Variants in HHAT observed in about 807,000 individuals in gnomAD.
HHAT encodes the protein protein-cysteine N-palmitoyltransferase HHAT.
In HHAT, 47 loss-of-function variants were observed where a neutral mutation model predicts 70.8. The observed-to-expected ratio is 0.66, with a 90% CI of 0.53 to 0.85. The LOEUF is 0.85. Among genes scored for constraint, HHAT ranks in the 40% least tolerant of loss-of-function variants. The pLI, the probability that HHAT is intolerant of heterozygous loss-of-function variation, is 0.00. For synonymous variants in HHAT, 228 were observed against 247.6 expected, an observed-to-expected ratio of 0.92 and a Z score of 0.74; for missense variants, 609 against 604.8, an observed-to-expected ratio of 1.01 and a Z score of -0.07.
At chr1:210,329,399 C>T (rs1273951268) in intron 1 of HHAT, 2 of 1,137,534 alleles carry the variant, frequency 1.8e-6, no homozygotes, top group Non-Finnish European at 2.2e-6. Flanking sequence ...GCTTCCGGAA[C>T]TGCTGCGGGG....
intron 10 of HHAT, among the ~76,000 whole-genome samples, chr1:210,594,565 C>G (rs1662508724): frequency 1.3e-5 from 2 of 152,070 alleles, no homozygotes; most frequent in South Asian, 4.1e-4. Context: ...TCTTTCTACT[C>G]AATATATGAG....
intron 8 of HHAT, among the ~76,000 whole-genome samples, chr1:210,506,573 T>C (rs187154479): frequency 6.6e-6 from 1 of 152,336 alleles, no homozygotes; most frequent in African/African-American, 2.4e-5. Context: ...ACCCTGGTTT[T>C]CTGTGGGCTG....
chr1:210,628,498 G>A (rs896331730), intron 11 of HHAT, among the ~76,000 whole-genome samples: 56 of 152,008 alleles, frequency 3.7e-4, no homozygotes, highest in African/African-American at 1.2e-3. Context: ...ACATGCACAC[G>A]TACACACATG....
intron 4 of HHAT, among the ~76,000 whole-genome samples, chr1:210,389,075 T>G (rs1421766292): frequency 6.6e-6 from 1 of 152,170 alleles, no homozygotes; most frequent in East Asian, 1.9e-4. Flanking sequence ...TTGTTGCTTA[T>G]AAGAGAATAC....
At chr1:210,502,327 T>A (rs1387228010) in intron 8 of HHAT, among the ~76,000 whole-genome samples, 1 of 133,728 alleles carries the variant, frequency 7.5e-6, no homozygotes, top group East Asian at 2.1e-4. Flanking sequence ...GAGCTTGCAG[T>A]GAGGTGAGAT....
chr1:210,652,725 G>T (rs1362946002), intron 11 of HHAT, among the ~76,000 whole-genome samples: 2 of 152,176 alleles, frequency 1.3e-5, no homozygotes, highest in Non-Finnish European at 2.9e-5. Flanking sequence ...GGTACAGAGA[G>T]TTCTCAGAAA....
chr1:210,531,300 G>T (rs2095312393), intron 9 of HHAT, among the ~76,000 whole-genome samples: 2 of 152,226 alleles, frequency 1.3e-5, no homozygotes, highest in South Asian at 2.1e-4. Context: ...GGTAATTAAA[G>T]TGTGAGTGTG....
chr1:210,327,588 C>T (rs1172821159), upstream of HHAT, among the ~76,000 whole-genome samples: 1 of 152,106 alleles, frequency 6.6e-6, no homozygotes, highest in Non-Finnish European at 1.5e-5. Context: ...TCACTGCAAC[C>T]TCTGCCGCCC....
At chr1:210,436,928 C>T (rs908750492) in intron 7 of HHAT, among the ~76,000 whole-genome samples, 4 of 151,772 alleles carry the variant, frequency 2.6e-5, no homozygotes, top group African/African-American at 7.3e-5. Flanking sequence ...TTGTTTCATC[C>T]CCTGGTGGAA....
At chr1:210,437,157 C>T (rs951728453) in intron 7 of HHAT, among the ~76,000 whole-genome samples, 2 of 151,838 alleles carry the variant, frequency 1.3e-5, no homozygotes, top group African/African-American at 4.9e-5. Context: ...GGGATAGAAT[C>T]TCAACATCAC....
intron 9 of HHAT, among the ~76,000 whole-genome samples, chr1:210,525,186 C>G (rs183187286): frequency 6.6e-6 from 1 of 152,160 alleles, no homozygotes; most frequent in Admixed American, 6.5e-5. Flanking sequence ...AGCACCCTTG[C>G]GTTGATGCCC....
At chr1:210,502,532 C>G (rs769101519) in intron 8 of HHAT, among the ~76,000 whole-genome samples, 1 of 152,030 alleles carries the variant, frequency 6.6e-6, no homozygotes, top group Non-Finnish European at 1.5e-5. Context: ...AAAATCAGGT[C>G]CCTTATTGGC....
At chr1:210,599,551 T>C (rs927738465) in intron 10 of HHAT, among the ~76,000 whole-genome samples, 1 of 152,166 alleles carries the variant, frequency 6.6e-6, no homozygotes, top group Non-Finnish European at 1.5e-5. Flanking sequence ...GCCATTATGT[T>C]ATCCTTTGTA....
intron 11 of HHAT, among the ~76,000 whole-genome samples, chr1:210,626,755 A>G (rs181155526): frequency 2.6e-5 from 4 of 152,300 alleles, no homozygotes; most frequent in Admixed American, 2.0e-4. Context: ...AAAAAAAATA[A>G]TGAGTCTATA....
intron 9 of HHAT, among the ~76,000 whole-genome samples, chr1:210,518,759 C>T (rs11802275): frequency 0.16 from 24,567 of 152,158 alleles, 2,456 homozygotes; most frequent in East Asian, 0.32. Context: ...TACTACTGCA[C>T]TCCAGCCCTG....
In HHAT at chr1:210,362,853, A is replaced by C. The variant is rs186282077; in HGVS notation, c.93A>C (p.Glu31Asp). 31 of 1,613,680 alleles carry C rather than the reference A, an allele frequency of 1.9e-5. No individual in the cohort carries two copies. Among genetic ancestry groups the C allele is most frequent in the Admixed American group, 1.5e-4 (9 of 60,010 alleles). ...CGAAGACTTTTTTTTTTTGGTCAGA[A>C]CACGAAGAGGAGCTGGACCAGGAAT... ...SFYEVYKVSR[E>D]HEEELDQEFE... Residue 31 changes from glutamate (E) to aspartate (D), a missense_variant and splice_region_variant, in exon 3 of 12, where the codon GAA (glutamate) becomes GAC (aspartate). Physicochemically the swap from Glu to Asp is conservative, Grantham distance 45. Coordinates refer to ENST00000261458, the MANE Select transcript of HHAT (RefSeq NM_018194.6).
chr1:210,533,721 T>C (rs4845045), intron 9 of HHAT, among the ~76,000 whole-genome samples: 40,546 of 152,154 alleles, frequency 0.27, 5,762 homozygotes, highest in South Asian at 0.37. Flanking sequence ...GATCTTTAAA[T>C]GGGTTCTGTA....
intron 8 of HHAT, among the ~76,000 whole-genome samples, chr1:210,497,874 T>C (rs1399259060): frequency 6.6e-6 from 1 of 151,922 alleles, no homozygotes; most frequent in Non-Finnish European, 1.5e-5. Context: ...CAAGCAATTC[T>C]CCTGCCTCAG....
chr1:210,446,030 C>T (rs983250447), intron 7 of HHAT, among the ~76,000 whole-genome samples: 2 of 152,216 alleles, frequency 1.3e-5, no homozygotes, highest in Non-Finnish European at 2.9e-5. Context: ...CCCCCAGGCT[C>T]TATCTTTGAA....
Sources: allele counts gnomAD v4.1 joint callset (sites outside exome capture counted in the v4.1 genomes callset), GRCh38; gene constraint gnomAD v4.1.1; transcripts MANE v1.5; gene names NCBI Gene and HGNC (gene_info 2026-07-23, HGNC 2026-07-21).